Variants in MYPN observed in about 807,000 individuals in gnomAD.
MYPN encodes the protein sarcomeric protein myopalladin, 145 kDa (MYOP).
In MYPN, 63 loss-of-function variants were observed where a neutral mutation model predicts 129.4. The ratio of observed to expected loss-of-function variants is 0.49; its 90% confidence interval spans 0.40 to 0.60. The LOEUF is 0.60. Among genes scored for constraint, MYPN ranks in the 20% least tolerant of loss-of-function variants. The pLI, the probability that MYPN is intolerant of heterozygous loss-of-function variation, is 0.00. For synonymous variants in MYPN, 629 were observed against 600.9 expected (o/e 1.05, Z -0.68); for missense variants, 1,596 against 1,635.4 (o/e 0.98, Z 0.42).
At chr10:68,103,755 G>T (rs979126024), upstream of MYPN, among the ~76,000 whole-genome samples, 3 of 152,158 alleles carry the variant, frequency 2.0e-5, no homozygotes, top group Non-Finnish European at 4.4e-5. Context: ...TTCAAAACCA[G>T]CCTGACTAAC....
chr10:68,203,364 G>A (rs1250074377), intron 18 of MYPN, among the ~76,000 whole-genome samples: 1 of 152,124 alleles, frequency 6.6e-6, no homozygotes, highest in African/African-American at 2.4e-5. Flanking sequence ...CAAGGCAGGA[G>A]GATTGCTTGA....
intron 8 of MYPN, 88 bp downstream of exon 8, chr10:68,161,840 A>C: frequency 9.4e-7 from 1 of 1,068,914 alleles, no homozygotes; most frequent in East Asian, 2.5e-5. Flanking sequence ...GAGATGAATA[A>C]AAAGTGAAAA....
chr10:68,175,439 G>A lies in MYPN; in HGVS notation c.2681G>A (p.Ser894Asn). Residue 894 changes from serine to asparagine, a missense_variant, in exon 12 of 20, where the codon AGT becomes AAT. Transcript: ENST00000358913. ...IRDLGKKITF[S>N]DVRPNQQEYK... Reference sequence around the variant, plus strand: ...GACTTGGGGAAAAAAATAACTTTCAGTGATGTCAGACCAAACCAGCAGGTA... The same window carrying A: ...GACTTGGGGAAAAAAATAACTTTCAATGATGTCAGACCAAACCAGCAGGTA... 2 of 1,614,166 alleles carry A rather than the reference G, an allele frequency of 1.2e-6. No homozygotes were observed. The highest frequency in any genetic ancestry group is 8.5e-7 in the Non-Finnish European group (1 of 1,179,980).
intron 1 of MYPN, among the ~76,000 whole-genome samples, chr10:68,091,388 C>T (rs4746729): frequency 7.0e-6 from 1 of 143,164 alleles, no homozygotes; most frequent in Admixed American, 7.2e-5. Context: ...AACTAGACTA[C>T]AGCCCTTTTT....
Position 68,175,361 on chromosome 10 carries a change from C to T in MYPN, c.2603C>T (p.Pro868Leu), listed in dbSNP as rs533835950. The T allele has an allele frequency of 2.0e-5, 32 of 1,613,980 alleles. No individual in the cohort carries two copies. In the South Asian group the frequency reaches 3.0e-4, roughly 15 times the overall value. ...QGLAKKNTKS[P>L]QPVNDDNIRE... is the part of the protein sequence containing the mutation. Reference sequence around the variant, plus strand: ...TTAGCGAAGAAAAATACAAAGTCTCCTCAACCAGTGAATGATGATAACATT... The same window carrying T: ...TTAGCGAAGAAAAATACAAAGTCTCTTCAACCAGTGAATGATGATAACATT... The change falls in exon 12 of 20, where the codon CCT (proline) becomes CTT (leucine). Residue 868 changes from proline (P) to leucine (L), a missense_variant. Transcript: ENST00000358913.
rs181119405 is a variant in MYPN at position 68,162,524 on chromosome 10, G to A, written c.1483+772G>A. Reference sequence around the variant, plus strand: ...ATACTACGACGAGATACAAGTGACAGTAGGCGAAGTTAGAAAATACAAGTC... The same window carrying A: ...ATACTACGACGAGATACAAGTGACAATAGGCGAAGTTAGAAAATACAAGTC... On this transcript the variant is annotated intron_variant, in intron 8 of 19. Transcript: ENST00000358913. Among the ~76,000 whole-genome samples, 3 of 152,348 alleles carry A rather than the reference G, an allele frequency of 2.0e-5. No individual in the cohort carries two copies. In the East Asian group the frequency reaches 5.8e-4, roughly 29 times the overall value.
intron 2 of MYPN, among the ~76,000 whole-genome samples, chr10:68,134,392 A>T (rs896436997): frequency 2.0e-4 from 30 of 152,238 alleles, no homozygotes; most frequent in African/African-American, 6.5e-4. Context: ...AGAGGAGACA[A>T]TAAAAACTTT....
At chr10:68,172,495 A>G (rs2043158556) in intron 10 of MYPN, among the ~76,000 whole-genome samples, 1 of 152,218 alleles carries the variant, frequency 6.6e-6, no homozygotes, top group African/African-American at 2.4e-5. Flanking sequence ...AGCCTTAATG[A>G]CTTTATGCAT....
chr10:68,117,866 A>C (rs1254705993), intron 1 of MYPN, among the ~76,000 whole-genome samples: 2 of 151,720 alleles, frequency 1.3e-5, no homozygotes, highest in Admixed American at 6.6e-5. Context: ...TTTAATCATC[A>C]CTTCTACCTA....
intron 2 of MYPN, 42 bp from the exon 3 acceptor site, chr10:68,142,898 G>A (rs767879752): frequency 1.9e-6 from 3 of 1,582,558 alleles, no homozygotes; most frequent in Non-Finnish European, 2.6e-6. Flanking sequence ...TTATTGTCTT[G>A]CATTTGAGTC....
intron 2 of MYPN, among the ~76,000 whole-genome samples, chr10:68,137,924 C>T (rs1422507464): frequency 6.6e-6 from 1 of 152,138 alleles, no homozygotes; most frequent in East Asian, 1.9e-4. Flanking sequence ...AAACATCACA[C>T]AAGTGTTCTT....
At chr10:68,094,064 A>C (rs2041943852) in intron 1 of MYPN, among the ~76,000 whole-genome samples, 1 of 152,044 alleles carries the variant, frequency 6.6e-6, no homozygotes, top group South Asian at 2.1e-4. Flanking sequence ...AGTGAGGACA[A>C]CCAAAGGTCA....
chr10:68,115,068 G>C (rs921572081), intron 1 of MYPN, among the ~76,000 whole-genome samples: 1 of 151,958 alleles, frequency 6.6e-6, no homozygotes, highest in Non-Finnish European at 1.5e-5. Context: ...AAACCAGCCT[G>C]GATAACTTGG....
chr10:68,113,003 A>G (rs997967390), intron 1 of MYPN, among the ~76,000 whole-genome samples: 5 of 152,220 alleles, frequency 3.3e-5, no homozygotes, highest in Non-Finnish European at 7.4e-5. Flanking sequence ...ATACTTCTCT[A>G]GGGTGATATC....
At chr10:68,115,955 C>T (rs1189387179) in intron 1 of MYPN, among the ~76,000 whole-genome samples, 5 of 152,106 alleles carry the variant, frequency 3.3e-5, no homozygotes, top group African/African-American at 7.2e-5. Flanking sequence ...ATAAGCTTTG[C>T]TTGACTTTGC....
chr10:68,147,610 A>C (rs565311248), intron 4 of MYPN, among the ~76,000 whole-genome samples: 13 of 152,264 alleles, frequency 8.5e-5, no homozygotes, highest in African/African-American at 3.1e-4. Context: ...CTTCAAGTCC[A>C]GAGCTTGTTG....
rs190141050 is a variant in MYPN at position 68,182,916 on chromosome 10, C to T, written c.2704-5989C>T. 2.6e-5 allele frequency among the ~76,000 whole-genome samples: 4 copies of T among 152,250 alleles called. No homozygotes were observed. The East Asian group carries it at 7.7e-4, about 29-fold the overall frequency. On this transcript the variant is annotated intron_variant, in intron 12 of 19. Transcript: ENST00000358913. The stretch of plus-strand genomic sequence containing the variant: ...TATAGCCAAGTGTGTATTTACTATA[C>T]ACATTTATAGTCAAATAAAATGCAC...
chr10:68,165,969 G>C, intron 9 of MYPN, 151 bp downstream of exon 9: 1 of 819,676 alleles, frequency 1.2e-6, no homozygotes, highest in South Asian at 1.4e-5. Flanking sequence ...TTCTTGAACA[G>C]TGTCCAATTT....
chr10:68,134,564 AG>A (rs1451713485), intron 2 of MYPN, among the ~76,000 whole-genome samples: 2 of 152,182 alleles, frequency 1.3e-5, no homozygotes, highest in African/African-American at 2.4e-5. Flanking sequence ...TGGGAGGCTG[AG>A]GCGGGTGGAT....
Sources: gnomAD v4.1 joint callset for allele counts (sites outside exome capture counted in the v4.1 genomes callset) on GRCh38, gnomAD v4.1.1 for gene constraint, MANE v1.5 for transcripts, NCBI Gene and HGNC (gene_info 2026-07-23, HGNC 2026-07-21) for gene names.